DMXL2: variants seen among roughly 807,000 people sequenced by gnomAD.
The protein encoded by DMXL2 is dmX-like protein 2.
DMXL2 carries 103 observed loss-of-function variants against 331.1 expected under a neutral mutation model. That is an observed-to-expected ratio of 0.31 (90% CI 0.27 to 0.37). The LOEUF (loss-of-function observed/expected upper bound fraction) is 0.37. Among genes scored for constraint, DMXL2 ranks in the 10% least tolerant of loss-of-function variants. The probability of loss-of-function intolerance (pLI) is 1.00; values close to 1 mark genes in which losing one functional copy is unlikely to be tolerated. For missense variants in DMXL2, 3,171 were observed against 3,642.9 expected, an observed-to-expected ratio of 0.87 and a Z score of 3.33; for synonymous variants, 1,281 against 1,252.1, an observed-to-expected ratio of 1.02 and a Z score of -0.49.
chr15:51,500,016 T>G lies in DMXL2; in HGVS notation c.3208A>C (p.Arg1070=). ...TATGAACAGCTAACAGCAACTGGTC[T>G]TCCCACAATGCTCACTGTACTGCTA... ...DNSSTVSIVG[R]PVAVSCSYTG... is the part of the protein sequence containing the mutation. Residue 1070 remains arginine (R), a synonymous_variant, in exon 18 of 44, where the codon AGA becomes CGA. Coordinates refer to ENST00000560891, the MANE Select transcript of DMXL2 (RefSeq NM_001378457.1). The G allele has an allele frequency of 6.2e-7, 1 of 1,614,180 alleles. No individual in the cohort carries two copies. The highest frequency in any genetic ancestry group is 8.5e-7 in the Non-Finnish European group (1 of 1,180,018).
chr15:51,488,619 G>T lies in DMXL2; in HGVS notation c.4980C>A (p.Asn1660Lys). The change falls in exon 21 of 44, where the codon AAC becomes AAA. Residue 1660 changes from asparagine to lysine, a missense_variant. Transcript: ENST00000560891. Reference protein sequence around the residue: ...EKVAKASFQRNNDALDAALFY... With the variant: ...EKVAKASFQRKNDALDAALFY... ...ATAGTGCAGCATCTAAGGCATCATT[G>T]TTCCTTTGAAAAGAAGCTTTGGCAA... 3 of 1,610,910 alleles carry T rather than the reference G, an allele frequency of 1.9e-6. No homozygotes were observed. Among genetic ancestry groups the T allele is most frequent in the East Asian group, 2.2e-5 (1 of 44,798 alleles).
intron 29 of DMXL2, among the ~76,000 whole-genome samples, chr15:51,466,948 A>C (rs377763927): frequency 6.6e-6 from 1 of 152,016 alleles, no homozygotes; most frequent in African/African-American, 2.4e-5. Context: ...AATGTAGTCT[A>C]GATTGATGCA....
At position 51,618,167 on chromosome 15, in the gene DMXL2, T is replaced by C. The variant is rs574622048; in HGVS notation, c.87+4292A>G. 2.6e-5 allele frequency among the ~76,000 whole-genome samples: 4 copies of C among 152,336 alleles called. No homozygotes were observed. The East Asian group carries it at 7.7e-4, about 29-fold the overall frequency. On this transcript the variant is annotated intron_variant, in intron 1 of 43. Transcript: ENST00000560891. Reference sequence around the variant, plus strand: ...TTCCCCTGGCCAAAAGTTCTCTTAGTCTTCCTGAATTCCCACTTAAATGCT... The same window carrying C: ...TTCCCCTGGCCAAAAGTTCTCTTAGCCTTCCTGAATTCCCACTTAAATGCT...
At chr15:51,462,878 C>G (rs1555412510) in intron 33 of DMXL2, among the ~76,000 whole-genome samples, 1 of 152,188 alleles carries the variant, frequency 6.6e-6, no homozygotes, top group Non-Finnish European at 1.5e-5. Context: ...TGCAGAACCT[C>G]TGTCTTGCTT....
intron 10 of DMXL2, 127 bp downstream of exon 10, chr15:51,538,086 A>G (rs1379485773): frequency 4.9e-6 from 6 of 1,224,322 alleles, no homozygotes; most frequent in Non-Finnish European, 6.8e-6. Context: ...ATGGTCAGTA[A>G]ATACTTGTGT....
At chr15:51,498,511 T>C in intron 18 of DMXL2, 41 bp downstream of exon 18, 1 of 1,558,514 alleles carries the variant, frequency 6.4e-7, no homozygotes, top group Middle Eastern at 1.8e-4. Flanking sequence ...CAAATATTTC[T>C]ATTAGGTACA....
chr15:51,512,396 G>A (rs2046808771), intron 15 of DMXL2, among the ~76,000 whole-genome samples: 1 of 152,146 alleles, frequency 6.6e-6, no homozygotes, highest in Non-Finnish European at 1.5e-5. Context: ...GAAATATGGA[G>A]TAGTTATTGC....
chr15:51,608,864 G>C (rs778380726), intron 1 of DMXL2, among the ~76,000 whole-genome samples: 1 of 152,148 alleles, frequency 6.6e-6, no homozygotes, highest in Non-Finnish European at 1.5e-5. Flanking sequence ...GAAGGAAAAT[G>C]ATCTCAAATG....
At chr15:51,508,668 A>G (rs2046562571) in intron 15 of DMXL2, among the ~76,000 whole-genome samples, 1 of 152,212 alleles carries the variant, frequency 6.6e-6, no homozygotes, top group African/African-American at 2.4e-5. Flanking sequence ...ATCCAACAAC[A>G]ACAATAAATT....
At chr15:51,611,574 T>C (rs954482478) in intron 1 of DMXL2, among the ~76,000 whole-genome samples, 1 of 152,230 alleles carries the variant, frequency 6.6e-6, no homozygotes, top group African/African-American at 2.4e-5. Context: ...GGGCATATGT[T>C]ACTTTTTACA....
rs1395000904 is a variant in DMXL2 at position 51,576,041 on chromosome 15, A to C, written c.213+15T>G. The C allele has an allele frequency of 6.3e-7, 1 of 1,593,086 alleles. No homozygotes were observed. The highest frequency in any genetic ancestry group is 1.4e-5 in the African/African-American group (1 of 73,786). ...ATTTTTAAATGACATTCAGTAAAGA[A>C]ATTAAATCCCTTACTCTTCCTTGTT... On this transcript the variant is annotated intron_variant, in intron 2 of 43. Coordinates refer to ENST00000560891, the MANE Select transcript of DMXL2 (RefSeq NM_001378457.1).
At position 51,536,549 on chromosome 15, in the gene DMXL2, A is replaced by T; in HGVS notation, c.1931T>A (p.Phe644Tyr). 6.2e-7 allele frequency: 1 copy of T among 1,613,964 alleles called. No individual in the cohort carries two copies. The highest frequency in any genetic ancestry group is 1.1e-5 in the South Asian group (1 of 91,048). ...FTTVLTVSHK[F>Y]RYCGHRFHLN... is the part of the protein sequence containing the mutation. Reference sequence around the variant, plus strand: ...GTGAAATCGATGACCGCAATATCTAAATTTGTGAGATACAGTTAGAACAGT... The same window carrying T: ...GTGAAATCGATGACCGCAATATCTATATTTGTGAGATACAGTTAGAACAGT... Residue 644 changes from phenylalanine to tyrosine, a missense_variant, in exon 12 of 44, where the codon TTT (phenylalanine) becomes TAT (tyrosine). Coordinates refer to ENST00000560891, the MANE Select transcript of DMXL2 (RefSeq NM_001378457.1).
chr15:51,453,606 A>G lies in DMXL2; in HGVS notation c.8640T>C (p.Phe2880=), dbSNP rs1216497879. 1 of 1,613,816 alleles carries G rather than the reference A, an allele frequency of 6.2e-7. No individual in the cohort carries two copies. Among genetic ancestry groups the G allele is most frequent in the Non-Finnish European group, 8.5e-7 (1 of 1,179,928 alleles). ...CTAGACTTGAAGAGGTAATAAATGC[A>G]AAGTCACTTGTGGCTTTACTGTGGC... is the stretch of plus-strand genomic sequence containing the variant. ...WQCHSKATSD[F]AFITSSSLVA... The change falls in exon 41 of 44, where the codon TTT becomes TTC. Residue 2880 remains phenylalanine, a synonymous_variant. Transcript: ENST00000560891.
chr15:51,570,182 G>C (rs1451730450), intron 2 of DMXL2, among the ~76,000 whole-genome samples: 1 of 152,010 alleles, frequency 6.6e-6, no homozygotes, highest in Non-Finnish European at 1.5e-5. Context: ...TCAAGCAGAA[G>C]AAAAGATATC....
At chr15:51,468,527 C>G (rs553636426) in intron 29 of DMXL2, among the ~76,000 whole-genome samples, 1 of 152,176 alleles carries the variant, frequency 6.6e-6, no homozygotes, top group African/African-American at 2.4e-5. Flanking sequence ...CTGAAGGATG[C>G]TTGGGAACCA....
intron 18 of DMXL2, among the ~76,000 whole-genome samples, chr15:51,497,911 AATCATAGGG>A (rs143238387): frequency 0.012 from 1,759 of 152,248 alleles, 27 homozygotes; most frequent in East Asian, 0.026. Flanking sequence ...TCAAAGAAAA[AATCATAGGG>A]ATCAATCTGT....
intron 18 of DMXL2, among the ~76,000 whole-genome samples, chr15:51,496,694 T>C (rs1239879743): frequency 6.6e-6 from 1 of 152,220 alleles, no homozygotes; most frequent in African/African-American, 2.4e-5. Context: ...ACCAGAGTAG[T>C]AACTGCAGAG....
chr15:51,599,276 T>C (rs2053056014), intron 1 of DMXL2, among the ~76,000 whole-genome samples: 1 of 152,188 alleles, frequency 6.6e-6, no homozygotes, highest in Non-Finnish European at 1.5e-5. Context: ...CTCCAAGAAA[T>C]AGTGGTTCCT....
At chr15:51,490,610 A>G (rs763483395) in intron 20 of DMXL2, among the ~76,000 whole-genome samples, 2 of 152,216 alleles carry the variant, frequency 1.3e-5, no homozygotes, top group Non-Finnish European at 2.9e-5. Context: ...TCCTCTCTGA[A>G]TCTTAGTTCC....
Sources: gnomAD v4.1 joint callset for allele counts (sites outside exome capture counted in the v4.1 genomes callset) on GRCh38, gnomAD v4.1.1 for gene constraint, MANE v1.5 for transcripts, NCBI Gene and HGNC (gene_info 2026-07-23, HGNC 2026-07-21) for gene names.